FOCAD: variants seen among roughly 807,000 people sequenced by gnomAD.
FOCAD encodes the protein focadhesin.
Under a neutral mutation model 225.6 loss-of-function variants are expected in FOCAD, and 198 were observed. The ratio of observed to expected loss-of-function variants is 0.88; its 90% CI spans 0.78 to 0.99. The LOEUF is 0.99. Among genes scored for constraint, FOCAD ranks in the 50% least tolerant of loss-of-function variants. FOCAD has a pLI of 0.00. For synonymous variants in FOCAD, 897 were observed against 755.0 expected, an observed-to-expected ratio of 1.19 and a Z score of -3.08; for missense variants, 2,713 against 2,123.6, an observed-to-expected ratio of 1.28 and a Z score of -5.46.
intron 7 of FOCAD, among the ~76,000 whole-genome samples, chr9:20,769,761 G>A (rs1304485313): frequency 6.6e-6 from 1 of 152,136 alleles, no homozygotes; most frequent in Non-Finnish European, 1.5e-5. Context: ...TAAGACATCT[G>A]CACTCAGACA....
intron 21 of FOCAD, among the ~76,000 whole-genome samples, chr9:20,901,561 T>G (rs980769504): frequency 2.6e-5 from 4 of 151,888 alleles, no homozygotes; most frequent in Non-Finnish European, 2.9e-5. Context: ...AGAGGTGGAA[T>G]GCAATAACAA....
At position 20,721,771 on chromosome 9, in the gene FOCAD, C is replaced by T. The variant is rs565605641; in HGVS notation, c.287+1237C>T. Among the ~76,000 whole-genome samples the T allele has an allele frequency of 3.9e-5, 6 of 152,150 alleles. No homozygotes were observed. In the South Asian group the frequency reaches 8.3e-4, roughly 21 times the overall value. ...TTGATTAGGTTAAATAACCCCTAGC[C>T]TTTTAACCTTTCTTTATAAATCGTT... On this transcript the variant is annotated intron_variant, in intron 4 of 43. Transcript: ENST00000338382.
chr9:20,783,968 A>G (rs1286258208), intron 10 of FOCAD, among the ~76,000 whole-genome samples: 1 of 152,226 alleles, frequency 6.6e-6, no homozygotes, highest in East Asian at 1.9e-4. Flanking sequence ...CATCTAAGGA[A>G]TATTACAGTA....
intron 4 of FOCAD, among the ~76,000 whole-genome samples, chr9:20,726,975 A>T (rs898413360): frequency 2.0e-5 from 3 of 152,184 alleles, no homozygotes; most frequent in African/African-American, 7.2e-5. Flanking sequence ...GCACATTTTA[A>T]TCTGCAGCTG....
At chr9:20,977,656 A>G (rs1840335961) in intron 36 of FOCAD, among the ~76,000 whole-genome samples, 1 of 152,154 alleles carries the variant, frequency 6.6e-6, no homozygotes, top group Admixed American at 6.5e-5. Flanking sequence ...ATATAAAACA[A>G]CTTCTATACT....
At chr9:20,771,478 G>A (rs542496753) in intron 8 of FOCAD, among the ~76,000 whole-genome samples, 1 of 152,200 alleles carries the variant, frequency 6.6e-6, no homozygotes, top group Admixed American at 6.5e-5. Context: ...GTATTTATTG[G>A]TTGGGTGCAG....
chr9:20,821,061 T>G lies in FOCAD; in HGVS notation c.1783T>G (p.Cys595Gly). 3 of 1,612,376 alleles carry G rather than the reference T, an allele frequency of 1.9e-6. No individual in the cohort carries two copies. The highest frequency in any genetic ancestry group is 2.5e-6 in the Non-Finnish European group (3 of 1,178,914). The change falls in exon 14 of 44, where the codon TGT becomes GGT. Residue 595 changes from cysteine to glycine, a missense_variant. Physicochemically the swap from Cys to Gly is radical, Grantham distance 159 (BLOSUM62 -3). Transcript: ENST00000338382. ...AAAAGCAGCATCAATCAGAGATATA[T>G]GTAAGCAGAGGTATGATGTCATTAA... ...IAKAASIRDICKQRPYQHGAD... is the reference protein window; with the variant it reads ...IAKAASIRDIGKQRPYQHGAD...
Position 20,820,988 on chromosome 9 carries a change from A to G in FOCAD, c.1710A>G (p.Val570=), listed in dbSNP as rs1488200397. The part of the protein sequence containing the change: ...ELQRFMAVSD[V]PSLSVGKEVQ... ...AGCGTTTCATGGCTGTGTCTGATGT[A>G]CCTTCTCTTTCGGTGGGCAAGGAAG... Residue 570 remains valine (V), a synonymous_variant, in exon 14 of 44, where the codon GTA becomes GTG. Transcript: ENST00000338382. 2 of 1,612,650 alleles carry G rather than the reference A, an allele frequency of 1.2e-6. No individual in the cohort carries two copies. The highest frequency in any genetic ancestry group is 1.7e-6 in the Non-Finnish European group (2 of 1,179,150).
intron 34 of FOCAD, among the ~76,000 whole-genome samples, chr9:20,951,379 G>C (rs1837672499): frequency 6.6e-6 from 1 of 152,088 alleles, no homozygotes; most frequent in Non-Finnish European, 1.5e-5. Context: ...GAACAGTTTA[G>C]ACATTCAGTG....
chr9:20,753,432 CT>C (rs1828752591), intron 5 of FOCAD, among the ~76,000 whole-genome samples: 1 of 151,854 alleles, frequency 6.6e-6, no homozygotes, highest in Non-Finnish European at 1.5e-5. Flanking sequence ...TGGTTTTTGT[CT>C]TTGGTTCTGT....
In FOCAD at chr9:20,772,369, G is replaced by C. The variant is rs1818325792; in HGVS notation, c.906+2131G>C. Among the ~76,000 whole-genome samples the C allele has an allele frequency of 2.0e-5, 3 of 152,270 alleles. No homozygotes were observed. In the South Asian group the frequency reaches 6.2e-4, roughly 32 times the overall value. ...ATTTGTAGACATTAACTTTGGGGTG[G>C]GGATTTTAAACACGGGACTGGGTGA... On this transcript the variant is annotated intron_variant, in intron 8 of 43. Transcript: ENST00000338382.
rs186576258 is a variant in FOCAD, at chr9:20,844,817, T to G, written c.1921-17761T>G. Among the ~76,000 whole-genome samples, 3 of 152,272 alleles carry G rather than the reference T, an allele frequency of 2.0e-5. No individual in the cohort carries two copies. The East Asian group carries it at 5.8e-4, about 29-fold the overall frequency. The stretch of plus-strand genomic sequence containing the variant: ...GTGAGATATTTTCTAATTGTTAAGT[T>G]AATAATGAAGTTAATGTGATGGGTT... On this transcript the variant is annotated intron_variant, in intron 15 of 43. Transcript: ENST00000338382.
chr9:20,907,573 C>T (rs545086356), intron 22 of FOCAD, among the ~76,000 whole-genome samples: 21 of 152,128 alleles, frequency 1.4e-4, no homozygotes, highest in African/African-American at 4.8e-4. Flanking sequence ...TCCATTATAC[C>T]TGTGCTTCCT....
intron 37 of FOCAD, among the ~76,000 whole-genome samples, chr9:20,979,961 A>G (rs1840545949): frequency 6.6e-6 from 1 of 152,166 alleles, no homozygotes; most frequent in African/African-American, 2.4e-5. Context: ...GAGTACCTTT[A>G]CAGGTTTTTC....
At chr9:20,818,885 C>T (rs1380498818) in intron 11 of FOCAD, among the ~76,000 whole-genome samples, 2 of 151,990 alleles carry the variant, frequency 1.3e-5, no homozygotes, top group African/African-American at 2.4e-5. Context: ...TTATGATCAG[C>T]CTCTCAATTT....
intron 34 of FOCAD, among the ~76,000 whole-genome samples, chr9:20,952,735 G>C (rs1331607898): frequency 6.6e-6 from 1 of 151,840 alleles, no homozygotes; most frequent in Non-Finnish European, 1.5e-5. Context: ...TTCATCCTCC[G>C]TAATTTTTTT....
At chr9:20,925,112 T>G (rs1281342677) in intron 25 of FOCAD, among the ~76,000 whole-genome samples, 1 of 152,108 alleles carries the variant, frequency 6.6e-6, no homozygotes, top group African/African-American at 2.4e-5. Context: ...ATTGCATGAA[T>G]GATATTAGTT....
At chr9:20,928,602 A>G (rs1835177170) in intron 26 of FOCAD, among the ~76,000 whole-genome samples, 1 of 152,146 alleles carries the variant, frequency 6.6e-6, no homozygotes, top group African/African-American at 2.4e-5. Context: ...ATTCTTATAG[A>G]AGCTGTTCAT....
At chr9:20,866,759 T>A (rs1260036665) in intron 17 of FOCAD, among the ~76,000 whole-genome samples, 170 bp from the exon 18 acceptor site, 1 of 151,818 alleles carries the variant, frequency 6.6e-6, no homozygotes, top group Non-Finnish European at 1.5e-5. Context: ...GTAAATATCC[T>A]TTTAGCTAGG....
Sources: allele counts gnomAD v4.1 joint callset (sites outside exome capture counted in the v4.1 genomes callset), GRCh38; gene constraint gnomAD v4.1.1; transcripts MANE v1.5; gene names NCBI Gene and HGNC (gene_info 2026-07-23, HGNC 2026-07-21).